Variants in KCNQ2 observed in about 807,000 individuals in gnomAD.
KCNQ2 encodes potassium voltage-gated channel subfamily KQT member 2.
Under a neutral mutation model 84.8 loss-of-function variants are expected in KCNQ2, and 14 were observed. The observed-to-expected ratio is 0.17, with a 90% CI of 0.11 to 0.26. KCNQ2 has a LOEUF of 0.26. Ranked by LOEUF, KCNQ2 falls within the 10% of genes least tolerant of loss-of-function variation. The pLI, the probability that KCNQ2 is intolerant of heterozygous loss-of-function variation, is 1.00. For missense variants in KCNQ2, 788 were observed against 1,254.0 expected, an observed-to-expected ratio of 0.63 and a Z score of 5.61; for synonymous variants, 599 against 554.1, an observed-to-expected ratio of 1.08 and a Z score of -1.14.
rs780293757 is a variant in KCNQ2 at position 63,414,922 on chromosome 20, C to T, written c.1506G>A (p.Ala502=). The T allele has an allele frequency of 2.4e-5, 38 of 1,612,594 alleles. 1 individual carries two copies. The highest frequency in any genetic ancestry group is 1.7e-4 in the Middle Eastern group (1 of 5,990). The change falls in exon 13 of 17, where the codon GCG becomes GCA. Residue 502 remains alanine, a synonymous_variant. Coordinates refer to ENST00000359125, the MANE Select transcript of KCNQ2 (RefSeq NM_172107.4). The surrounding 1 kb of genome is among the most constrained non-coding windows in gnomAD (Gnocchi z 6.6). ...ACCCACCTTCTGAGTTCTGCCGTGA[C>T]GCGGCACCCTTGATGCGGAAAGCCT... ...ARQAFRIKGA[A]SRQNSEEASL... is the part of the protein sequence containing the mutation.
chr20:63,408,523 C>G lies in KCNQ2; in HGVS notation c.1777G>C (p.Val593Leu), dbSNP rs372976131. Residue 593 changes from valine to leucine, a missense_variant, in exon 16 of 17, where the codon GTG becomes CTG. Around this residue, in one of 8 missense-constraint regions of KCNQ2, gnomAD observed 378 missense variants for 434.5 expected, o/e 0.87. Coordinates refer to ENST00000359125, the MANE Select transcript of KCNQ2 (RefSeq NM_172107.4). The surrounding 1 kb of genome is among the most constrained non-coding windows in gnomAD (Gnocchi z 5.0). ...TCCGTGATCGCTGGGCCCCGCCCCA[C>G]GATCTGGTCCACTCTACCGGGAACA... Reference protein sequence around the residue: ...KSLQSRVDQIVGRGPAITDKD... With the variant: ...KSLQSRVDQILGRGPAITDKD... The G allele has an allele frequency of 6.2e-7, 1 of 1,610,674 alleles. No homozygotes were observed. The highest frequency in any genetic ancestry group is 1.1e-5 in the South Asian group (1 of 90,704).
chr20:63,410,923 A>G, intron 15 of KCNQ2: 1 of 437,032 alleles, frequency 2.3e-6, no homozygotes, highest in Admixed American at 2.5e-5. Context: ...CCCTCAGCCA[A>G]TCAGACTTGC....
rs1245262343 is a variant in KCNQ2, at chr20:63,407,295, C to G, written c.1968G>C (p.Glu656Asp). The change falls in exon 17 of 17, where the codon GAG (glutamate) becomes GAC (aspartate). Residue 656 changes from glutamate to aspartate, a missense_variant. Glu to Asp is a conservative substitution (Grantham distance 45). Coordinates refer to ENST00000359125, the MANE Select transcript of KCNQ2 (RefSeq NM_172107.4). This position sits in a 1 kb window ranked among gnomAD's most constrained non-coding sequence, Gnocchi z 7.2. ...QRMGIPPTET[E>D]AYFGAKEPEP... ...CCGGCTCTTTGGCCCCAAAGTAGGC[C>G]TCGGTCTCTGTCGGGGGGATGCCCA... 9 of 1,595,582 alleles carry G rather than the reference C, an allele frequency of 5.6e-6. No individual in the cohort carries two copies. Among genetic ancestry groups the G allele is most frequent in the Non-Finnish European group, 7.6e-6 (9 of 1,177,258 alleles).
rs1411370333 is a variant in KCNQ2 at position 63,472,416 on chromosome 20, C to A, written c.48G>T (p.Gly16=). ...RNGGVYPGPS[G]EKKLKVGFVG... The stretch of plus-strand genomic sequence containing the variant: ...CGAAGCCCACCTTCAGCTTCTTCTC[C>A]CCGCTCGGGCCGGGGTATACGCCGC... Residue 16 remains glycine, a synonymous_variant, in exon 1 of 17, where the codon GGG becomes GGT. Transcript: ENST00000359125. 6.5e-7 allele frequency: 1 copy of A among 1,538,488 alleles called. No homozygotes were observed. The highest frequency in any genetic ancestry group is 1.4e-5 in the African/African-American group (1 of 70,970).
At chr20:63,467,339 T>C (rs954267802) in intron 1 of KCNQ2, among the ~76,000 whole-genome samples, 8 of 152,224 alleles carry the variant, frequency 5.3e-5, no homozygotes, top group Non-Finnish European at 1.0e-4. Context: ...TGGAAGCAGC[T>C]TCAGGCCCAG....
intron 10 of KCNQ2, among the ~76,000 whole-genome samples, chr20:63,427,731 G>T (rs1327459919): frequency 6.6e-6 from 1 of 152,186 alleles, no homozygotes; most frequent in Non-Finnish European, 1.5e-5. Context: ...CTCAGGGCCC[G>T]CCCGGAAAAT....
At chr20:63,470,504 C>T (rs564449898) in intron 1 of KCNQ2, among the ~76,000 whole-genome samples, 1 of 152,356 alleles carries the variant, frequency 6.6e-6, no homozygotes, top group African/African-American at 2.4e-5. Flanking sequence ...GACAGAGGGG[C>T]TGACCCACGC....
Position 63,408,313 on chromosome 20 carries a change from C to A in KCNQ2, c.1887+100G>T. The A allele has an allele frequency of 2.8e-6, 4 of 1,453,456 alleles. No individual in the cohort carries two copies. The highest frequency in any genetic ancestry group is 3.8e-6 in the Non-Finnish European group (4 of 1,060,624). The allele number at this position is 1,453,456 out of a possible 1,614,324, so 90.0% of individuals were successfully genotyped here. On this transcript the variant is annotated intron_variant, in intron 16 of 16. Coordinates refer to ENST00000359125, the MANE Select transcript of KCNQ2 (RefSeq NM_172107.4). This position sits in a 1 kb window ranked among gnomAD's most constrained non-coding sequence, Gnocchi z 5.0. Reference sequence around the variant, plus strand: ...CCATGTAAACCCTAGACTTGAGGAGCCCTCCGTGGCACCCAGCCCCTGAAG... The same window carrying A: ...CCATGTAAACCCTAGACTTGAGGAGACCTCCGTGGCACCCAGCCCCTGAAG...
At chr20:63,431,562 C>T (rs569810376) in intron 8 of KCNQ2, among the ~76,000 whole-genome samples, 193 bp from the exon 9 acceptor site, 8 of 152,130 alleles carry the variant, frequency 5.3e-5, no homozygotes, top group African/African-American at 1.9e-4. Flanking sequence ...AGGGCATGGC[C>T]GACATTCCCA....
intron 4 of KCNQ2, chr20:63,443,484 C>T (rs886815539): frequency 5.9e-4 from 21 of 35,434 alleles, no homozygotes; most frequent in African/African-American, 1.8e-3. Flanking sequence ...ATCATCACCA[C>T]CACCATCACC....
At chr20:63,461,690 AGCAG>A (rs896725157) in intron 1 of KCNQ2, among the ~76,000 whole-genome samples, 17 of 151,262 alleles carry the variant, frequency 1.1e-4, no homozygotes, top group African/African-American at 4.1e-4. Context: ...TACCCCGGGC[AGCAG>A]GGAGGAGGAG....
rs2080655877 is a variant in KCNQ2, at chr20:63,427,072, C to T, written c.1217+1295G>A. Among the ~76,000 whole-genome samples the T allele has an allele frequency of 1.3e-5, 2 of 152,090 alleles. 1 individual carries two copies. The highest frequency in any genetic ancestry group is 2.9e-5 in the Non-Finnish European group (2 of 68,014). On this transcript the variant is annotated intron_variant, in intron 10 of 16. Coordinates refer to ENST00000359125, the MANE Select transcript of KCNQ2 (RefSeq NM_172107.4). The stretch of plus-strand genomic sequence containing the variant: ...CCCATCTCTACCAAAAATAACAAAA[C>T]TTAGCCGGGCGTAGTAGCAGGTGTC...
chr20:63,402,243 G>C lies in KCNQ2; in HGVS notation c.*4401C>G, dbSNP rs148366351. 95 of 188,806 alleles carry C rather than the reference G, an allele frequency of 5.0e-4. No individual in the cohort carries two copies. The highest frequency in any genetic ancestry group is 7.9e-4 in the Non-Finnish European group (71 of 89,972). 11.7% of individuals were successfully genotyped at this position (188,806 alleles called of 1,614,324 possible). A position where few individuals can be genotyped will look rare whatever the true frequency, so the allele number is the denominator to read the frequency against. ...GTCCCTCTCACGCCACGTCTGCCGG[G>C]CACCCTCCACGGCAGGTCCGAGCTT... On this transcript the variant is annotated 3_prime_UTR_variant, in exon 17 of 17. Coordinates refer to ENST00000359125, the MANE Select transcript of KCNQ2 (RefSeq NM_172107.4).
chr20:63,467,363 CCTCTACGGCTG>C (rs2082108007), intron 1 of KCNQ2, among the ~76,000 whole-genome samples: 1 of 152,212 alleles, frequency 6.6e-6, no homozygotes, highest in East Asian at 1.9e-4. Context: ...CTCTACGGCT[CCTCTACGGCTG>C]CGGAACGTCA....
chr20:63,430,354 C>A (rs1323500686), intron 9 of KCNQ2, among the ~76,000 whole-genome samples: 1 of 152,076 alleles, frequency 6.6e-6, no homozygotes, highest in Non-Finnish European at 1.5e-5. Flanking sequence ...CTGAGCATGT[C>A]GGGGGCAGAG....
chr20:63,472,421 T>C lies in KCNQ2; in HGVS notation c.43A>G (p.Ser15Gly), dbSNP rs1453801738. The C allele has an allele frequency of 1.3e-6, 2 of 1,537,944 alleles. No individual in the cohort carries two copies. Among genetic ancestry groups the C allele is most frequent in the South Asian group, 1.2e-5 (1 of 82,820 alleles). ...SRNGGVYPGP[S>G]GEKKLKVGFV... The stretch of plus-strand genomic sequence containing the variant: ...CCCACCTTCAGCTTCTTCTCCCCGC[T>C]CGGGCCGGGGTATACGCCGCCGTTG... Residue 15 changes from serine to glycine, a missense_variant, in exon 1 of 17, where the codon AGC becomes GGC. Physicochemically the swap from Ser to Gly is moderately conservative, Grantham distance 56. Transcript: ENST00000359125.
At chr20:63,432,207 T>TCC in intron 8 of KCNQ2, among the ~76,000 whole-genome samples, 1 of 112,700 alleles carries the variant, frequency 8.9e-6, no homozygotes, top group East Asian at 2.7e-4. Context: ...CTGGGAAGGA[T>TCC]CCACCCACAG....
At chr20:63,442,951 CAT>C (rs2081255364) in intron 4 of KCNQ2, among the ~76,000 whole-genome samples, 1 of 78,394 alleles carries the variant, frequency 1.3e-5, no homozygotes, top group Non-Finnish European at 2.7e-5. Context: ...CCATCACCAT[CAT>C]CACCATCACC....
intron 1 of KCNQ2, chr20:63,463,971 G>A (rs534616750): frequency 6.6e-5 from 10 of 152,122 alleles, no homozygotes; most frequent in South Asian, 2.1e-4. Flanking sequence ...GGGAGACTCC[G>A]ATTGTTCAAC....
Sources: gnomAD v4.1 joint callset for allele counts (sites outside exome capture counted in the v4.1 genomes callset) on GRCh38, gnomAD v4.1.1 for gene constraint, gnomAD v4.1.1 regional missense constraint, Gnocchi (gnomAD v3.1) non-coding constraint, MANE v1.5 for transcripts, NCBI Gene and HGNC (gene_info 2026-07-23, HGNC 2026-07-21) for gene names.